ABAT: variants seen among roughly 807,000 people sequenced by gnomAD.
ABAT encodes 4-aminobutyrate aminotransferase.
ABAT carries 45 observed loss-of-function variants against 64.6 expected under a neutral mutation model. That is an observed-to-expected ratio of 0.70 (90% confidence interval 0.55 to 0.89). The LOEUF is 0.89. ABAT is among the 40% of genes least tolerant of loss of function. The pLI, the probability that ABAT is intolerant of heterozygous loss-of-function variation, is 0.00. For missense variants in ABAT, 633 were observed against 658.4 expected (o/e 0.96, Z 0.42); for synonymous variants, 297 against 250.5 (o/e 1.19, Z -1.75).
chr16:8,707,937 C>A (rs1026953276), intron 1 of ABAT, among the ~76,000 whole-genome samples: 12 of 152,192 alleles, frequency 7.9e-5, no homozygotes, highest in Non-Finnish European at 1.3e-4. Flanking sequence ...ATGAAATCAT[C>A]ACCACCATCC....
intron 1 of ABAT, among the ~76,000 whole-genome samples, chr16:8,722,114 G>C (rs1378044256): frequency 1.3e-5 from 2 of 152,228 alleles, no homozygotes; most frequent in Non-Finnish European, 2.9e-5. Flanking sequence ...ATGCCAGCCT[G>C]CCTTTAACAC....
chr16:8,700,441 C>T (rs1172589722), intron 1 of ABAT, among the ~76,000 whole-genome samples: 2 of 152,096 alleles, frequency 1.3e-5, no homozygotes, highest in East Asian at 3.8e-4. Context: ...CCGTCCCCAG[C>T]CCCCAGAAAG....
intron 12 of ABAT, among the ~76,000 whole-genome samples, chr16:8,774,497 G>A (rs190329128): frequency 6.6e-6 from 1 of 152,202 alleles, no homozygotes; most frequent in East Asian, 1.9e-4. Flanking sequence ...TAGCCTTGGT[G>A]ACAAGCAGAA....
chr16:8,678,668 TC>T (rs749073507), intron 1 of ABAT, among the ~76,000 whole-genome samples: 1 of 152,166 alleles, frequency 6.6e-6, no homozygotes, highest in Non-Finnish European at 1.5e-5. Flanking sequence ...ACAGAAATGC[TC>T]ACACTTGCAC....
chr16:8,741,888 C>T (rs1254942117), intron 2 of ABAT, among the ~76,000 whole-genome samples: 1 of 152,172 alleles, frequency 6.6e-6, no homozygotes, highest in African/African-American at 2.4e-5. Context: ...CTGTGAACAA[C>T]AATACTATCT....
intron 1 of ABAT, among the ~76,000 whole-genome samples, chr16:8,677,357 A>T (rs142035514): frequency 6.6e-6 from 1 of 152,304 alleles, no homozygotes; most frequent in East Asian, 1.9e-4. Flanking sequence ...CTTCCTAGAG[A>T]GACAGTGTAG....
At chr16:8,679,914 C>G (rs1730952) in intron 1 of ABAT, among the ~76,000 whole-genome samples, 3 of 151,802 alleles carry the variant, frequency 2.0e-5, no homozygotes, top group African/African-American at 7.3e-5. Context: ...TCCTTGCTTT[C>G]TCTAGACACT....
At chr16:8,693,576 C>T (rs942950585) in intron 1 of ABAT, among the ~76,000 whole-genome samples, 1 of 152,158 alleles carries the variant, frequency 6.6e-6, no homozygotes, top group African/African-American at 2.4e-5. Flanking sequence ...TCACGTGATC[C>T]TCATGCCTCG....
chr16:8,702,187 T>G lies in ABAT; in HGVS notation c.-42+27476T>G, dbSNP rs986006257. Among the ~76,000 whole-genome samples, 4 of 151,606 alleles carry G rather than the reference T, an allele frequency of 2.6e-5. No homozygotes were observed. The South Asian group carries it at 8.4e-4, about 32-fold the overall frequency. ...GAAGACATCAGGAAACTTACAATCA[T>G]GGCAGGAGGTGAAGGGGGAGCAGGC... On this transcript the variant is annotated intron_variant, in intron 1 of 15. Coordinates refer to ENST00000268251, the MANE Select transcript of ABAT (RefSeq NM_020686.6).
chr16:8,685,981 A>G (rs565183923), intron 1 of ABAT, among the ~76,000 whole-genome samples: 27 of 152,330 alleles, frequency 1.8e-4, no homozygotes, highest in African/African-American at 6.0e-4. Context: ...TTGAGCTCAG[A>G]TTTCCTTAGG....
chr16:8,764,242 T>C lies in ABAT; in HGVS notation c.447+93T>C, dbSNP rs1485474479. On this transcript the variant is annotated intron_variant, in intron 7 of 15. Transcript: ENST00000268251. This position sits in a 1 kb window ranked among gnomAD's most constrained non-coding sequence, Gnocchi z 4.2. The stretch of plus-strand genomic sequence containing the variant: ...ACGCCAACAATGAAGAATAAGGTGT[T>C]GCTACAGAAATCTTTCTCTCTGAGC... 8.3e-6 allele frequency: 9 copies of C among 1,087,090 alleles called. No homozygotes were observed. The highest frequency in any genetic ancestry group is 3.6e-5 in the Admixed American group (2 of 55,708). 67.3% of individuals were successfully genotyped at this position (1,087,090 alleles called of 1,614,324 possible).
At chr16:8,683,969 AG>A (rs2057393851) in intron 1 of ABAT, among the ~76,000 whole-genome samples, 2 of 151,432 alleles carry the variant, frequency 1.3e-5, no homozygotes, top group Middle Eastern at 3.4e-3. Flanking sequence ...AGAGACAGAG[AG>A]AGAGAGAGAG....
At position 8,737,717 on chromosome 16, in the gene ABAT, G is replaced by A. The variant is rs181890494; in HGVS notation, c.70+1908G>A. 1.6e-3 allele frequency among the ~76,000 whole-genome samples: 240 copies of A among 150,136 alleles called. 1 individual carries two copies. In the East Asian group the frequency reaches 0.021, roughly 13 times the overall value. ...GCAGGAGGATCATCTGAGGTCAGAA[G>A]TTCGAGACCAGCCTGGGCAACATGG... On this transcript the variant is annotated intron_variant, in intron 2 of 15. Transcript: ENST00000268251.
intron 1 of ABAT, among the ~76,000 whole-genome samples, chr16:8,684,247 T>A (rs1340681495): frequency 6.6e-6 from 1 of 152,046 alleles, no homozygotes; most frequent in Non-Finnish European, 1.5e-5. Flanking sequence ...AGAGAGTTCA[T>A]AGGAAGCCGT....
intron 10 of ABAT, 98 bp downstream of exon 10, chr16:8,768,354 C>A: frequency 8.3e-7 from 1 of 1,204,640 alleles, no homozygotes; most frequent in Non-Finnish European, 1.2e-6. Flanking sequence ...CACATATTGT[C>A]CCACTGATTG....
In ABAT at chr16:8,776,469, C is replaced by T. The variant is rs746871230; in HGVS notation, c.1248C>T (p.Leu416=). The T allele has an allele frequency of 3.7e-6, 6 of 1,613,958 alleles. No homozygotes were observed. The Admixed American group carries it at 5.0e-5, about 13-fold the overall frequency. The change falls in exon 14 of 16, where the codon CTC becomes CTT. Residue 416 remains leucine (L), a synonymous_variant. Coordinates refer to ENST00000268251, the MANE Select transcript of ABAT (RefSeq NM_020686.6). The surrounding 1 kb of genome is among the most constrained non-coding windows in gnomAD (Gnocchi z 4.4). ...NNAAHAGKAL[L]TGLLDLQARY... The stretch of plus-strand genomic sequence containing the variant: ...CAGCCCATGCCGGGAAGGCCCTGCT[C>T]ACAGGACTGCTGGACCTCCAGGTAA...
intron 2 of ABAT, among the ~76,000 whole-genome samples, chr16:8,738,148 C>G (rs7189861): frequency 0.51 from 77,301 of 150,444 alleles, 20,996 homozygotes; most frequent in Non-Finnish European, 0.6. Context: ...TAGGGAGACC[C>G]TGTCTCTGTG....
intron 11 of ABAT, among the ~76,000 whole-genome samples, chr16:8,771,959 C>T (rs989248456): frequency 8.6e-5 from 13 of 151,866 alleles, no homozygotes; most frequent in Non-Finnish European, 1.9e-4. Flanking sequence ...AGACATGAAC[C>T]GCGCTATGTT....
intron 9 of ABAT, among the ~76,000 whole-genome samples, chr16:8,767,838 T>C (rs1205045680): frequency 1.3e-5 from 2 of 151,894 alleles, no homozygotes; most frequent in Non-Finnish European, 2.9e-5. Flanking sequence ...ACCATGCCTG[T>C]CTAATTTTTG....
Sources: allele counts gnomAD v4.1 joint callset (sites outside exome capture counted in the v4.1 genomes callset), GRCh38; gene constraint gnomAD v4.1.1; non-coding constraint Gnocchi (gnomAD v3.1); transcripts MANE v1.5; gene names NCBI Gene and HGNC (gene_info 2026-07-23, HGNC 2026-07-21).